Variants in DPPA4 observed in about 807,000 individuals in gnomAD.
DPPA4 encodes developmental pluripotency-associated protein 4.
In DPPA4, 22 loss-of-function variants were observed where a neutral mutation model predicts 33.7. That is an observed-to-expected ratio of 0.65 (90% CI 0.47 to 0.93). DPPA4 has a LOEUF of 0.93. Ranked by LOEUF, DPPA4 falls within the 40% of genes least tolerant of loss-of-function variation. The pLI, the probability that DPPA4 is intolerant of heterozygous loss-of-function variation, is 0.00. For missense variants in DPPA4, 340 were observed against 358.6 expected, an observed-to-expected ratio of 0.95 and a Z score of 0.42; for synonymous variants, 156 against 132.3, an observed-to-expected ratio of 1.18 and a Z score of -1.23.
chr3:109,330,550 G>C lies in DPPA4; in HGVS notation c.653C>G (p.Ala218Gly). ...RISARARTPE[A>G]VESPQEASGV... ...AGAGGCCTCTTGTGGAGATTCCACT[G>C]CCTCTGGTGTCCTCGCCCTGGCTGA... Residue 218 changes from alanine to glycine, a missense_variant, in exon 5 of 7, where the codon GCA becomes GGA. Transcript: ENST00000335658. The C allele has an allele frequency of 6.2e-7, 1 of 1,614,052 alleles. No individual in the cohort carries two copies. The highest frequency in any genetic ancestry group is 8.5e-7 in the Non-Finnish European group (1 of 1,180,020).
In DPPA4 at chr3:109,326,321, T is replaced by G. The variant is rs955179652; in HGVS notation, c.*1667A>C. The G allele has an allele frequency of 6.6e-6, 1 of 151,836 alleles. No individual in the cohort carries two copies. Among genetic ancestry groups the G allele is most frequent in the Non-Finnish European group, 1.5e-5 (1 of 67,976 alleles). 9.4% of individuals were successfully genotyped at this position (151,836 alleles called of 1,614,324 possible). A position where few individuals can be genotyped will look rare whatever the true frequency, so the allele number is the denominator to read the frequency against. ...ATCCAAATAAAGCAGGGGAGAAGTT[T>G]AAAAAGGAAACAAAAGGAACAATAC... On this transcript the variant is annotated 3_prime_UTR_variant, in exon 7 of 7. Coordinates refer to ENST00000335658, the MANE Select transcript of DPPA4 (RefSeq NM_018189.4).
intron 1 of DPPA4, among the ~76,000 whole-genome samples, chr3:109,334,914 G>T (rs1267565767): frequency 1.3e-5 from 2 of 151,990 alleles, no homozygotes; most frequent in Non-Finnish European, 2.9e-5. Context: ...TATTTAACCT[G>T]GTCCTTCCAG....
chr3:109,334,085 A>G (rs1355025224), intron 1 of DPPA4, 92 bp from the exon 2 acceptor site: 2 of 1,454,282 alleles, frequency 1.4e-6, no homozygotes, highest in African/African-American at 2.8e-5. Context: ...TAAGGCACCA[A>G]CGCAGTTACT....
intron 1 of DPPA4, among the ~76,000 whole-genome samples, chr3:109,335,933 G>C (rs1241125117): frequency 6.6e-6 from 1 of 151,498 alleles, no homozygotes; most frequent in East Asian, 2.0e-4. Flanking sequence ...TGGGCTGACC[G>C]ATTGAGGTCA....
chr3:109,335,916 G>C (rs1708185335), intron 1 of DPPA4, among the ~76,000 whole-genome samples: 1 of 151,652 alleles, frequency 6.6e-6, no homozygotes, highest in South Asian at 2.1e-4. Context: ...ACTTTGGGAG[G>C]CCGAGGTGGG....
In DPPA4 at chr3:109,327,438, G is replaced by A. The variant is rs1229052924; in HGVS notation, c.*550C>T. 6.6e-6 allele frequency: 1 copy of A among 152,450 alleles called. No homozygotes were observed. Among genetic ancestry groups the A allele is most frequent in the Admixed American group, 6.5e-5 (1 of 15,274 alleles). The allele number at this position is 152,450 out of a possible 1,614,324, so 9.4% of individuals were successfully genotyped here. On this transcript the variant is annotated 3_prime_UTR_variant, in exon 7 of 7. Coordinates refer to ENST00000335658, the MANE Select transcript of DPPA4 (RefSeq NM_018189.4). ...CATAGTCCCAGCATTTTGGGAGGCT[G>A]AGGAGGGTGATCACTTGAGTCCAGG...
chr3:109,330,477 G>T (rs766449489), intron 5 of DPPA4, 47 bp downstream of exon 5: 1 of 1,605,120 alleles, frequency 6.2e-7, no homozygotes, highest in Non-Finnish European at 8.5e-7. Flanking sequence ...TATCTACTAA[G>T]CTTATTTCCC....
intron 2 of DPPA4, 120 bp from the exon 3 acceptor site, chr3:109,332,151 G>T (rs1375168347): frequency 1.1e-6 from 1 of 881,010 alleles, no homozygotes. Context: ...CGCCCGGCTG[G>T]AGTGCAGTGG....
chr3:109,333,881 T>C lies in DPPA4; in HGVS notation c.167A>G (p.Lys56Arg). Residue 56 changes from lysine (K) to arginine (R), a missense_variant, in exon 2 of 7, where the codon AAA becomes AGA. By Grantham distance (26) the Lys-to-Arg change is conservative. This residue lies in a region of DPPA4 where 96 missense variants were observed against 91.8 expected (regional missense o/e 1.05). Coordinates refer to ENST00000335658, the MANE Select transcript of DPPA4 (RefSeq NM_018189.4). ...TGAAGACCTCTTACCTTTACTGCCTTTGATAGACATTTTTTCTTTGGTTCT... is the reference window on the plus strand; with the variant it reads ...TGAAGACCTCTTACCTTTACTGCCTCTGATAGACATTTTTTCTTTGGTTCT... ...AKRTKEKMSI[K>R]GSKVLCPKKK... 1.2e-6 allele frequency: 2 copies of C among 1,614,130 alleles called. No homozygotes were observed. Among genetic ancestry groups the C allele is most frequent in the Non-Finnish European group, 8.5e-7 (1 of 1,179,980 alleles).
chr3:109,337,189 C>T (rs1053079171), intron 1 of DPPA4, among the ~76,000 whole-genome samples: 4 of 150,794 alleles, frequency 2.7e-5, no homozygotes, highest in African/African-American at 9.8e-5. Context: ...CGTGAGCCAC[C>T]GCGCCCGGCC....
intron 1 of DPPA4, among the ~76,000 whole-genome samples, chr3:109,334,538 A>T (rs918636315): frequency 9.2e-5 from 14 of 152,088 alleles, no homozygotes; most frequent in Admixed American, 9.2e-4. Context: ...GTCTCAAAAA[A>T]AAAAAAGAGG....
intron 5 of DPPA4, 193 bp downstream of exon 5, chr3:109,330,331 A>AAAAAAAAAAG (rs777601172): frequency 2.8e-6 from 1 of 356,500 alleles, no homozygotes; most frequent in African/African-American, 6.3e-5. Flanking sequence ...AAAAAAAAAA[A>AAAAAAAAAAG]GGAAAAAAAA....
intron 1 of DPPA4, among the ~76,000 whole-genome samples, chr3:109,334,889 T>A (rs1384707927): frequency 6.6e-6 from 1 of 152,212 alleles, no homozygotes; most frequent in Non-Finnish European, 1.5e-5. Context: ...CTTTTAAAAG[T>A]CTCACCTCAA....
At position 109,331,803 on chromosome 3, in the gene DPPA4, G is replaced by A; in HGVS notation, c.340-19C>T. The A allele has an allele frequency of 1.2e-6, 2 of 1,613,658 alleles. No individual in the cohort carries two copies. Among genetic ancestry groups the A allele is most frequent in the Non-Finnish European group, 1.7e-6 (2 of 1,179,652 alleles). On this transcript the variant is annotated intron_variant, in intron 3 of 6. Coordinates refer to ENST00000335658, the MANE Select transcript of DPPA4 (RefSeq NM_018189.4). ...CCAATTTCTAAGACAATAGAAAACT[G>A]AGTTAGTAAGGCAAATAAGGTTCCT...
At chr3:109,334,379 G>C (rs1559710536) in intron 1 of DPPA4, among the ~76,000 whole-genome samples, 1 of 152,104 alleles carries the variant, frequency 6.6e-6, no homozygotes, top group East Asian at 1.9e-4. Flanking sequence ...GTGAAACCTT[G>C]CCTCTACATA....
intron 4 of DPPA4, 122 bp from the exon 5 acceptor site, chr3:109,330,934 T>A: frequency 1.1e-6 from 1 of 938,428 alleles, no homozygotes; most frequent in Non-Finnish European, 1.6e-6. Flanking sequence ...AGAGATCTAT[T>A]GTACAAGTTG....
chr3:109,329,906 A>G (rs1708022653), intron 5 of DPPA4: 1 of 152,788 alleles, frequency 6.5e-6, no homozygotes. Flanking sequence ...AAAGAAAACC[A>G]GACTGCTATC....
intron 4 of DPPA4, among the ~76,000 whole-genome samples, 171 bp downstream of exon 4, chr3:109,331,563 A>AAAAG (rs1708079826): frequency 6.8e-6 from 1 of 146,550 alleles, no homozygotes; most frequent in African/African-American, 2.6e-5. Flanking sequence ...AAAAAAAAAA[A>AAAAG]AAAAGAAAGA....
Position 109,327,741 on chromosome 3 carries a change from A to G in DPPA4, c.*247T>C, listed in dbSNP as rs1183049311. The G allele has an allele frequency of 2.5e-6, 1 of 403,808 alleles. No individual in the cohort carries two copies. The highest frequency in any genetic ancestry group is 4.4e-6 in the Non-Finnish European group (1 of 226,366). 25.0% of individuals were successfully genotyped at this position (403,808 alleles called of 1,614,324 possible). ...AAGTAGTATGAATGAGTTTTTCTACATATTAACTACAATTTATGGTAATTT... is the reference window on the plus strand; with the variant it reads ...AAGTAGTATGAATGAGTTTTTCTACGTATTAACTACAATTTATGGTAATTT... On this transcript the variant is annotated 3_prime_UTR_variant, in exon 7 of 7. Transcript: ENST00000335658.
Sources: allele counts gnomAD v4.1 joint callset (sites outside exome capture counted in the v4.1 genomes callset), GRCh38; gene constraint gnomAD v4.1.1; regional missense constraint gnomAD v4.1.1; transcripts MANE v1.5; gene names NCBI Gene and HGNC (gene_info 2026-07-23, HGNC 2026-07-21).